LRP1B: variants seen among roughly 807,000 people sequenced by gnomAD.
LRP1B encodes the protein LDL receptor related protein 1B.
Under a neutral mutation model 556.6 loss-of-function variants are expected in LRP1B, and 217 were observed. That is an observed-to-expected ratio of 0.39 (90% CI 0.35 to 0.44). LRP1B has a LOEUF of 0.44. Among genes scored for constraint, LRP1B ranks in the 20% least tolerant of loss-of-function variants. The pLI is 1.00. For synonymous variants in LRP1B, 2,047 were observed against 1,865.8 expected, an observed-to-expected ratio of 1.10 and a Z score of -2.50; for missense variants, 5,053 against 5,620.8, an observed-to-expected ratio of 0.90 and a Z score of 3.23.
chr2:140,889,955 A>C (rs1422645491), intron 23 of LRP1B, among the ~76,000 whole-genome samples: 2 of 152,208 alleles, frequency 1.3e-5, no homozygotes, highest in Non-Finnish European at 2.9e-5. Context: ...TGTAGACATC[A>C]TAAGGCCATT....
chr2:141,673,308 G>A (rs1690743976), intron 2 of LRP1B, among the ~76,000 whole-genome samples: 1 of 152,192 alleles, frequency 6.6e-6, no homozygotes, highest in Admixed American at 6.5e-5. Context: ...ATGTGAGAAA[G>A]TCTGTTCTGA....
At chr2:140,808,097 T>C (rs530080983) in intron 32 of LRP1B, among the ~76,000 whole-genome samples, 1 of 151,844 alleles carries the variant, frequency 6.6e-6, no homozygotes, top group African/African-American at 2.4e-5. Flanking sequence ...ATCTCCAAAT[T>C]AAAATAAAAT....
chr2:140,603,962 G>A (rs1682772375), intron 41 of LRP1B, among the ~76,000 whole-genome samples: 1 of 152,040 alleles, frequency 6.6e-6, no homozygotes, highest in Non-Finnish European at 1.5e-5. Flanking sequence ...GTATATGTGT[G>A]TGTGTGCACA....
At chr2:141,634,640 C>T (rs528487597) in intron 2 of LRP1B, among the ~76,000 whole-genome samples, 1 of 151,966 alleles carries the variant, frequency 6.6e-6, no homozygotes, top group South Asian at 2.1e-4. Flanking sequence ...TATTGTAAAG[C>T]ATATATCCAC....
intron 2 of LRP1B, among the ~76,000 whole-genome samples, chr2:141,693,247 T>C (rs572234154): frequency 6.6e-6 from 1 of 152,060 alleles, no homozygotes. Flanking sequence ...TCAGAAAATA[T>C]CTGTGAGTTC....
At chr2:141,262,004 T>C (rs1277078389) in intron 3 of LRP1B, among the ~76,000 whole-genome samples, 1 of 152,210 alleles carries the variant, frequency 6.6e-6, no homozygotes, top group African/African-American at 2.4e-5. Context: ...CTACCACCAA[T>C]ATATCAATCT....
chr2:140,837,930 A>G (rs1189490031), intron 31 of LRP1B, among the ~76,000 whole-genome samples: 2 of 152,058 alleles, frequency 1.3e-5, no homozygotes, highest in Non-Finnish European at 2.9e-5. Context: ...GTACCTGAAA[A>G]CTTAAAGTAT....
chr2:140,831,238 A>C (rs1573776724), intron 31 of LRP1B, among the ~76,000 whole-genome samples: 2 of 152,154 alleles, frequency 1.3e-5, no homozygotes, highest in South Asian at 4.1e-4. Flanking sequence ...ATAAATAAAT[A>C]AAGACAGAGA....
chr2:141,423,290 C>CCTTTTTTTTTTTTTTTTTTTTTTTT (rs1321976263), intron 3 of LRP1B, among the ~76,000 whole-genome samples: 1 of 68,376 alleles, frequency 1.5e-5, no homozygotes, highest in African/African-American at 5.2e-5. Context: ...ACAGCCAGAG[C>CCTTTTTTTTTTTTTTTTTTTTTTTT]TTTTTTTTTT....
At chr2:141,581,030 T>C (rs1346919254) in intron 2 of LRP1B, among the ~76,000 whole-genome samples, 1 of 152,224 alleles carries the variant, frequency 6.6e-6, no homozygotes, top group Non-Finnish European at 1.5e-5. Context: ...GATAAGTGTA[T>C]ACATGTCCCA....
At chr2:140,758,658 AT>A (rs1334706382) in intron 35 of LRP1B, among the ~76,000 whole-genome samples, 4 of 152,072 alleles carry the variant, frequency 2.6e-5, no homozygotes, top group African/African-American at 9.6e-5. Context: ...ATTAAAAATA[AT>A]TGAGTATGCA....
At chr2:141,227,575 G>A (rs1037344676) in intron 6 of LRP1B, among the ~76,000 whole-genome samples, 7 of 151,794 alleles carry the variant, frequency 4.6e-5, no homozygotes, top group Admixed American at 2.0e-4. Context: ...AATATCCACC[G>A]CTTTCATTAT....
rs1222110181 is a variant in LRP1B, at chr2:141,060,327, G to GA, written c.1237-1274_1237-1273insT. 2.0e-5 allele frequency among the ~76,000 whole-genome samples: 3 copies of GA among 151,590 alleles called. No homozygotes were observed. The East Asian group carries it at 5.8e-4, about 29-fold the overall frequency. ...ACTATTCCATGTTATAGCCCGAATA[G>GA]TTTTTTTGTATGTACATGTTACTCC... On this transcript the variant is annotated intron_variant, in intron 8 of 90. Coordinates refer to ENST00000389484, the MANE Select transcript of LRP1B (RefSeq NM_018557.3).
chr2:141,618,096 T>G (rs113062284), intron 2 of LRP1B, among the ~76,000 whole-genome samples: 5 of 152,182 alleles, frequency 3.3e-5, no homozygotes, highest in African/African-American at 1.2e-4. Flanking sequence ...CATGCTCTTA[T>G]GGGCATGTAT....
intron 84 of LRP1B, among the ~76,000 whole-genome samples, chr2:140,295,407 A>G (rs1399996547): frequency 2.6e-5 from 4 of 152,212 alleles, no homozygotes; most frequent in African/African-American, 9.6e-5. Flanking sequence ...CTTCTGCAGA[A>G]GAAGTCCCTC....
At chr2:141,563,931 G>A (rs751128531) in intron 2 of LRP1B, among the ~76,000 whole-genome samples, 15 of 152,006 alleles carry the variant, frequency 9.9e-5, no homozygotes, top group Non-Finnish European at 2.1e-4. Flanking sequence ...AACTATCTAG[G>A]TGAAGGGATC....
intron 43 of LRP1B, among the ~76,000 whole-genome samples, chr2:140,575,392 A>G (rs1681479276): frequency 6.6e-6 from 1 of 152,204 alleles, no homozygotes; most frequent in African/African-American, 2.4e-5. Context: ...CCATATAGAC[A>G]TAATTAACTA....
At chr2:141,950,496 A>G (rs951823378) in intron 1 of LRP1B, among the ~76,000 whole-genome samples, 5 of 152,162 alleles carry the variant, frequency 3.3e-5, no homozygotes, top group Non-Finnish European at 7.4e-5. Flanking sequence ...AACATTTTAA[A>G]TACATCTTCA....
At chr2:140,775,466 GATTT>G (rs1304130977) in intron 33 of LRP1B, among the ~76,000 whole-genome samples, 1 of 88,954 alleles carries the variant, frequency 1.1e-5, no homozygotes, top group Non-Finnish European at 2.2e-5. Flanking sequence ...TTTTTTGGTT[GATTT>G]TTTTTTTTTT....
Sources: gnomAD v4.1 joint callset for allele counts (sites outside exome capture counted in the v4.1 genomes callset) on GRCh38, gnomAD v4.1.1 for gene constraint, MANE v1.5 for transcripts, NCBI Gene and HGNC (gene_info 2026-07-23, HGNC 2026-07-21) for gene names.